The following MARCHF5 variants were observed in gnomAD, a reference collection of about 807,000 sequenced individuals.
MARCHF5 encodes the protein membrane associated ring-CH-type finger 5, also known as E3 ubiquitin-protein ligase MARCHF5.
In MARCHF5, 5 loss-of-function variants were observed where a neutral mutation model predicts 36.5. The ratio of observed to expected loss-of-function variants is 0.14; its 90% confidence interval spans 0.07 to 0.29. The LOEUF (loss-of-function observed/expected upper bound fraction) is 0.29, where lower values mean the gene tolerates loss of function less well. Ranked by LOEUF, MARCHF5 falls within the 10% of genes least tolerant of loss-of-function variation. The pLI, the probability that MARCHF5 is intolerant of heterozygous loss-of-function variation, is 1.00. For missense variants in MARCHF5, 179 were observed against 336.3 expected (o/e 0.53, Z 3.66); for synonymous variants, 103 against 109.9 (o/e 0.94, Z 0.39).
intron 1 of MARCHF5, among the ~76,000 whole-genome samples, chr10:92,293,225 C>G (rs1338667850): frequency 6.6e-6 from 1 of 152,064 alleles, no homozygotes; most frequent in African/African-American, 2.4e-5. Flanking sequence ...CCTACCTCAG[C>G]CTCCCTAGTA....
intron 1 of MARCHF5, among the ~76,000 whole-genome samples, chr10:92,299,491 T>G (rs1842987407): frequency 6.6e-6 from 1 of 152,168 alleles, no homozygotes; most frequent in South Asian, 2.1e-4. Context: ...TAACACCTGG[T>G]GAAGTCTTAC....
intron 3 of MARCHF5, among the ~76,000 whole-genome samples, chr10:92,343,500 G>A (rs552462026): frequency 4.1e-4 from 62 of 152,270 alleles, no homozygotes; most frequent in Non-Finnish European, 8.2e-4. Flanking sequence ...TTATGCTTCT[G>A]TATTCCCTGT....
intron 1 of MARCHF5, among the ~76,000 whole-genome samples, chr10:92,308,115 G>A (rs1843098055): frequency 6.6e-6 from 1 of 151,848 alleles, no homozygotes; most frequent in African/African-American, 2.4e-5. Context: ...TAATTTTTTT[G>A]TATTTTTAGT....
intron 1 of MARCHF5, among the ~76,000 whole-genome samples, chr10:92,309,473 T>C (rs987178247): frequency 5.3e-5 from 8 of 152,230 alleles, no homozygotes; most frequent in Admixed American, 4.6e-4. Context: ...ATTATGCTGA[T>C]GTAGCTATTC....
At chr10:92,347,515 TAGATAGATGATAGATATATAGATA>T (rs1843661442) in intron 3 of MARCHF5, among the ~76,000 whole-genome samples, 2 of 75,448 alleles carry the variant, frequency 2.7e-5, no homozygotes, top group African/African-American at 9.5e-5. Context: ...GATAGATAGA[TAGATAGATGATAGATATATAGATA>T]GATAGATAGA....
chr10:92,314,017 AC>A, intron 2 of MARCHF5, among the ~76,000 whole-genome samples: 1 of 152,104 alleles, frequency 6.6e-6, no homozygotes, highest in South Asian at 2.1e-4. Context: ...ACATAGCAAA[AC>A]CTTGTCTCTC....
chr10:92,345,066 C>G (rs1843624834), intron 3 of MARCHF5, among the ~76,000 whole-genome samples: 1 of 151,936 alleles, frequency 6.6e-6, no homozygotes. Flanking sequence ...AACAGTGGAA[C>G]CTTAATATGT....
chr10:92,349,737 C>G lies in MARCHF5; in HGVS notation c.620C>G (p.Thr207Ser). 6.2e-7 allele frequency: 1 copy of G among 1,614,026 alleles called. No homozygotes were observed. Among genetic ancestry groups the G allele is most frequent in the Non-Finnish European group, 8.5e-7 (1 of 1,179,894 alleles). ...ANPLADHVSA[T>S]RILCGALVFP... Reference sequence around the variant, plus strand: ...CCTTTAGCAGATCATGTCTCTGCTACTCGAATCTTGTGTGGAGCCCTTGTC... The same window carrying G: ...CCTTTAGCAGATCATGTCTCTGCTAGTCGAATCTTGTGTGGAGCCCTTGTC... The change falls in exon 5 of 6, where the codon ACT (threonine) becomes AGT (serine). Residue 207 changes from threonine (T) to serine (S), a missense_variant. Thr to Ser is a moderately conservative substitution (Grantham distance 58). This residue lies in a region of MARCHF5 where 95 missense variants were observed against 139.5 expected (regional missense o/e 0.68). Transcript: ENST00000358935.
At chr10:92,303,402 C>T (rs1461795740) in intron 1 of MARCHF5, among the ~76,000 whole-genome samples, 1 of 152,176 alleles carries the variant, frequency 6.6e-6, no homozygotes, top group African/African-American at 2.4e-5. Flanking sequence ...AACTTGAATT[C>T]TCATCTGTAG....
At chr10:92,348,171 AAAAAATTCC>A (rs1843678034) in intron 3 of MARCHF5, among the ~76,000 whole-genome samples, 1 of 143,314 alleles carries the variant, frequency 7.0e-6, no homozygotes, top group African/African-American at 2.5e-5. Context: ...CAACAAGAGC[AAAAAATTCC>A]GTCTCAAAAA....
At chr10:92,331,742 A>G (rs1403147977) in intron 2 of MARCHF5, among the ~76,000 whole-genome samples, 2 of 151,426 alleles carry the variant, frequency 1.3e-5, no homozygotes, top group African/African-American at 4.8e-5. Context: ...CATAAATTAT[A>G]TAATCATAAG....
In MARCHF5 at chr10:92,291,380, G is replaced by A. The variant is rs923759480; in HGVS notation, c.-115G>A. ...GCTGCCCCGGGAAGCTGGGTGACGG[G>A]TTCGCGGCTGCCGCCGGACTGCGGC... On this transcript the variant is annotated 5_prime_UTR_variant, in exon 1 of 6. Transcript: ENST00000358935. 3.7e-5 allele frequency: 36 copies of A among 968,538 alleles called. No individual in the cohort carries two copies. Among genetic ancestry groups the A allele is most frequent in the Admixed American group, 1.2e-4 (6 of 49,428 alleles). The allele number at this position is 968,538 out of a possible 1,614,324, so 60.0% of individuals were successfully genotyped here.
intron 1 of MARCHF5, among the ~76,000 whole-genome samples, chr10:92,303,506 A>C (rs1843040299): frequency 6.6e-6 from 1 of 151,590 alleles, no homozygotes; most frequent in Non-Finnish European, 1.5e-5. Flanking sequence ...TTTTCTTGGC[A>C]CTTAATGCTT....
At chr10:92,338,727 C>T (rs975058076) in intron 2 of MARCHF5, among the ~76,000 whole-genome samples, 1 of 152,138 alleles carries the variant, frequency 6.6e-6, no homozygotes, top group Non-Finnish European at 1.5e-5. Flanking sequence ...TCAGAGGCTC[C>T]ATAGATGGAT....
intron 1 of MARCHF5, among the ~76,000 whole-genome samples, chr10:92,308,313 C>T (rs1165427674): frequency 6.6e-6 from 1 of 152,106 alleles, no homozygotes; most frequent in Non-Finnish European, 1.5e-5. Context: ...TGTCATGGTG[C>T]TGGTGGGAGT....
chr10:92,314,741 TCCCCCCGCCCC>T (rs1407437110), intron 2 of MARCHF5, among the ~76,000 whole-genome samples: 1 of 10,648 alleles, frequency 9.4e-5, no homozygotes, highest in African/African-American at 1.8e-4. Flanking sequence ...TGCTGCTGCT[TCCCCCCGCCCC>T]CCCCCGCCAA....
At chr10:92,337,340 C>T (rs1460721287) in intron 2 of MARCHF5, among the ~76,000 whole-genome samples, 5 of 151,800 alleles carry the variant, frequency 3.3e-5, no homozygotes, top group Non-Finnish European at 7.4e-5. Context: ...CATGGAGAAA[C>T]CCTGTCTCTA....
At chr10:92,322,270 A>G (rs1265304141) in intron 2 of MARCHF5, among the ~76,000 whole-genome samples, 1 of 148,608 alleles carries the variant, frequency 6.7e-6, no homozygotes, top group Non-Finnish European at 1.5e-5. Flanking sequence ...AAAAAAAAAA[A>G]AAGATTTGTC....
At chr10:92,318,035 G>A (rs1843235872) in intron 2 of MARCHF5, among the ~76,000 whole-genome samples, 1 of 152,152 alleles carries the variant, frequency 6.6e-6, no homozygotes, top group African/African-American at 2.4e-5. Context: ...ACAGGTGTGA[G>A]CCACCATGCC....
Sources: gnomAD v4.1 joint callset for allele counts (sites outside exome capture counted in the v4.1 genomes callset) on GRCh38, gnomAD v4.1.1 for gene constraint, gnomAD v4.1.1 regional missense constraint, MANE v1.5 for transcripts, NCBI Gene and HGNC (gene_info 2026-07-23, HGNC 2026-07-21) for gene names.